HS3ST2: variants seen among roughly 807,000 people sequenced by gnomAD.
The protein encoded by HS3ST2 is heparan sulfate-glucosamine 3-sulfotransferase 2, also known as heparan sulfate glucosamine 3-O-sulfotransferase 2.
Under a neutral mutation model 26.3 loss-of-function variants are expected in HS3ST2, and 17 were observed. The observed-to-expected ratio is 0.65, with a 90% CI of 0.44 to 0.97. The LOEUF (loss-of-function observed/expected upper bound fraction) is 0.97, where lower values mean the gene tolerates loss of function less well. Ranked by LOEUF, HS3ST2 falls within the 50% of genes least tolerant of loss-of-function variation. The pLI, the probability that HS3ST2 is intolerant of heterozygous loss-of-function variation, is 0.00. For synonymous variants in HS3ST2, 237 were observed against 219.2 expected (o/e 1.08, Z -0.72); for missense variants, 402 against 501.2 (o/e 0.80, Z 1.89).
intron 1 of HS3ST2, among the ~76,000 whole-genome samples, chr16:22,880,497 T>A (rs994459730): frequency 1.3e-5 from 2 of 152,214 alleles, no homozygotes; most frequent in African/African-American, 4.8e-5. Context: ...AACCAATGTG[T>A]ACTCTGTCAC....
At chr16:22,877,531 T>C (rs1214514856) in intron 1 of HS3ST2, among the ~76,000 whole-genome samples, 1 of 152,136 alleles carries the variant, frequency 6.6e-6, no homozygotes, top group African/African-American at 2.4e-5. Flanking sequence ...CTCATGAGAT[T>C]CTCACTTGGA....
intron 1 of HS3ST2, among the ~76,000 whole-genome samples, chr16:22,859,158 C>A (rs1417174167): frequency 1.3e-5 from 2 of 152,132 alleles, no homozygotes; most frequent in Non-Finnish European, 2.9e-5. Context: ...AGGGCAAGAT[C>A]CTGCCTCCAA....
At position 22,822,720 on chromosome 16, in the gene HS3ST2, T is replaced by A. The variant is rs1901014441; in HGVS notation, c.485+7625T>A. 2.6e-5 allele frequency among the ~76,000 whole-genome samples: 4 copies of A among 152,008 alleles called. No individual in the cohort carries two copies. The South Asian group carries it at 8.3e-4, about 32-fold the overall frequency. On this transcript the variant is annotated intron_variant, in intron 1 of 1. Coordinates refer to ENST00000261374, the MANE Select transcript of HS3ST2 (RefSeq NM_006043.2). ...AATACAAAAAATTAGCTGGGCGTGG[T>A]GGCGTGCGCCTGTAGTCCCAGCTAC...
At chr16:22,850,328 A>G (rs916559129) in intron 1 of HS3ST2, among the ~76,000 whole-genome samples, 1 of 152,174 alleles carries the variant, frequency 6.6e-6, no homozygotes, top group African/African-American at 2.4e-5. Context: ...CGGTAGGTAT[A>G]TATGTGTGAT....
At chr16:22,874,444 C>A (rs982286164) in intron 1 of HS3ST2, among the ~76,000 whole-genome samples, 3 of 152,188 alleles carry the variant, frequency 2.0e-5, no homozygotes, top group Non-Finnish European at 2.9e-5. Context: ...AGGCTTCCAG[C>A]AAAGCCTAGA....
intron 1 of HS3ST2, among the ~76,000 whole-genome samples, chr16:22,833,754 A>G (rs950436697): frequency 2.1e-4 from 32 of 152,158 alleles, no homozygotes; most frequent in Non-Finnish European, 2.5e-4. Context: ...TACTATCATC[A>G]TTGTCTCCAA....
intron 1 of HS3ST2, among the ~76,000 whole-genome samples, chr16:22,913,153 AGGGAGGGAGGG>A (rs1902446136): frequency 1.8e-4 from 6 of 33,334 alleles, no homozygotes; most frequent in South Asian, 2.8e-3. Context: ...GAAGGAAGGG[AGGGAGGGAGGG>A]AGGGAGGGAG....
At chr16:22,894,759 G>A (rs191506974) in intron 1 of HS3ST2, among the ~76,000 whole-genome samples, 181 of 151,612 alleles carry the variant, frequency 1.2e-3, no homozygotes, top group African/African-American at 4.0e-3. Flanking sequence ...AAAAGGAGTT[G>A]GAGGCTGTCG....
At chr16:22,909,303 A>G (rs2141748077) in intron 1 of HS3ST2, among the ~76,000 whole-genome samples, 1 of 152,350 alleles carries the variant, frequency 6.6e-6, no homozygotes, top group East Asian at 1.9e-4. Flanking sequence ...AGTCCAAACA[A>G]TGAGCATTAG....
At chr16:22,881,734 G>T (rs193270953) in intron 1 of HS3ST2, among the ~76,000 whole-genome samples, 2 of 152,200 alleles carry the variant, frequency 1.3e-5, no homozygotes, top group African/African-American at 4.8e-5. Context: ...ACAAAGGCTC[G>T]TAGGTTACTT....
At chr16:22,873,854 C>T (rs370566916) in intron 1 of HS3ST2, among the ~76,000 whole-genome samples, 18 of 152,134 alleles carry the variant, frequency 1.2e-4, no homozygotes, top group Non-Finnish European at 1.3e-4. Flanking sequence ...GGGTCGACTG[C>T]GGCTGACTGA....
chr16:22,826,296 G>T (rs1209038132), intron 1 of HS3ST2, among the ~76,000 whole-genome samples: 1 of 152,076 alleles, frequency 6.6e-6, no homozygotes, highest in Non-Finnish European at 1.5e-5. Context: ...ATGTTTTGGG[G>T]TGTTTGCATC....
At chr16:22,913,973 C>T (rs1238817768) in intron 1 of HS3ST2, among the ~76,000 whole-genome samples, 2 of 152,074 alleles carry the variant, frequency 1.3e-5, no homozygotes, top group African/African-American at 4.8e-5. Context: ...CCCATCTCTA[C>T]AAAAATTATT....
chr16:22,858,394 C>T (rs1901629937), intron 1 of HS3ST2, among the ~76,000 whole-genome samples: 1 of 151,330 alleles, frequency 6.6e-6, no homozygotes, highest in African/African-American at 2.4e-5. Flanking sequence ...GATGTACAAG[C>T]ATGCATGTTT....
rs147843272 is a variant in HS3ST2 at position 22,869,977 on chromosome 16, C to G, written c.486-44967C>G. ...ATAGCTCATGTAGATTGAACACTTA[C>G]TATGAAGTGTTATGCAAACATAGTC... On this transcript the variant is annotated intron_variant, in intron 1 of 1. Coordinates refer to ENST00000261374, the MANE Select transcript of HS3ST2 (RefSeq NM_006043.2). Among the ~76,000 whole-genome samples the G allele has an allele frequency of 7.2e-5, 11 of 152,180 alleles. No homozygotes were observed. The East Asian group carries it at 2.1e-3, about 29-fold the overall frequency.
At chr16:22,897,586 C>T (rs1239425254) in intron 1 of HS3ST2, among the ~76,000 whole-genome samples, 2 of 152,220 alleles carry the variant, frequency 1.3e-5, no homozygotes, top group East Asian at 1.9e-4. Context: ...TCATCCTAAA[C>T]GATGAAGTTG....
chr16:22,817,464 T>G (rs1055259963), intron 1 of HS3ST2, among the ~76,000 whole-genome samples: 1 of 152,220 alleles, frequency 6.6e-6, no homozygotes, highest in African/African-American at 2.4e-5. Flanking sequence ...TTCCATAACC[T>G]CCAGAACATC....
intron 1 of HS3ST2, among the ~76,000 whole-genome samples, chr16:22,902,208 C>T (rs1489086954): frequency 6.6e-6 from 1 of 152,076 alleles, no homozygotes; most frequent in Non-Finnish European, 1.5e-5. Flanking sequence ...TTTGTAGATC[C>T]ACCTCATTTC....
intron 1 of HS3ST2, among the ~76,000 whole-genome samples, chr16:22,833,755 T>G (rs1004547558): frequency 3.9e-5 from 6 of 152,168 alleles, no homozygotes; most frequent in Admixed American, 2.0e-4. Flanking sequence ...ACTATCATCA[T>G]TGTCTCCAAC....
Sources: gnomAD v4.1 joint callset for allele counts (sites outside exome capture counted in the v4.1 genomes callset) on GRCh38, gnomAD v4.1.1 for gene constraint, MANE v1.5 for transcripts, NCBI Gene and HGNC (gene_info 2026-07-23, HGNC 2026-07-21) for gene names.